The following SVIL variants were observed in gnomAD, a reference collection of about 807,000 sequenced individuals.
SVIL encodes the protein archvillin.
Under a neutral mutation model 240.4 loss-of-function variants are expected in SVIL, and 101 were observed. That is an observed-to-expected ratio of 0.42 (90% CI 0.36 to 0.50). The LOEUF (loss-of-function observed/expected upper bound fraction) is 0.50. Ranked by LOEUF, SVIL falls within the 20% of genes least tolerant of loss-of-function variation. The pLI is 0.01. For missense variants in SVIL, 2,512 were observed against 2,818.7 expected, an observed-to-expected ratio of 0.89 and a Z score of 2.46; for synonymous variants, 999 against 1,100.0, an observed-to-expected ratio of 0.91 and a Z score of 1.82.
rs1947196853 is a variant in SVIL, at chr10:29,484,434, A to T, written c.4955+222T>A. Among the ~76,000 whole-genome samples, 1 of 152,234 alleles carries T rather than the reference A, an allele frequency of 6.6e-6. No individual in the cohort carries two copies. Among genetic ancestry groups the T allele is most frequent in the Non-Finnish European group, 1.5e-5 (1 of 68,030 alleles). On this transcript the variant is annotated intron_variant, in intron 27 of 37. Coordinates refer to ENST00000355867, the MANE Select transcript of SVIL (RefSeq NM_021738.3). The surrounding 1 kb of genome is among the most constrained non-coding windows in gnomAD (Gnocchi z 4.7). ...TCTTGCTCACTTCAAGAAATCAACT[A>T]TAACAAACCTCTTCCAGAAGACTAC...
At chr10:29,638,270 T>TA, upstream of SVIL, among the ~76,000 whole-genome samples, 1 of 152,298 alleles carries the variant, frequency 6.6e-6, no homozygotes, top group East Asian at 1.9e-4. Flanking sequence ...GAGAACATCC[T>TA]AGCCAACGTG....
At chr10:29,700,514 A>G (rs1675310328) in intron 1 of SVIL, among the ~76,000 whole-genome samples, 1 of 126,294 alleles carries the variant, frequency 7.9e-6, no homozygotes, top group African/African-American at 3.1e-5. Context: ...TCTGTCGCCC[A>G]GCCTGGAGTG....
chr10:29,680,784 T>G (rs765674474), intron 2 of SVIL, among the ~76,000 whole-genome samples: 9 of 152,074 alleles, frequency 5.9e-5, no homozygotes, highest in Non-Finnish European at 1.0e-4. Context: ...CTGGGCGTAG[T>G]GGTGTGTGCC....
chr10:29,529,950 T>A (rs1951238816), intron 11 of SVIL, 106 bp from the exon 12 acceptor site: 2 of 1,216,986 alleles, frequency 1.6e-6, no homozygotes, highest in East Asian at 2.8e-5. Flanking sequence ...GAGGGAAGAT[T>A]GCTGGAGGCC....
At chr10:29,492,516 T>C (rs1948064905) in intron 21 of SVIL, among the ~76,000 whole-genome samples, 1 of 151,944 alleles carries the variant, frequency 6.6e-6, no homozygotes, top group African/African-American at 2.4e-5. Context: ...CACTGTTCAG[T>C]GGCTGAGCCG....
At chr10:29,576,083 CA>C in intron 1 of SVIL, 4 of 985,030 alleles carry the variant, frequency 4.1e-6, no homozygotes, top group Non-Finnish European at 4.8e-6. Flanking sequence ...AATTGATGAG[CA>C]ATCTGGTACC....
At chr10:29,479,246 G>A (rs1380767694) in intron 29 of SVIL, among the ~76,000 whole-genome samples, 1 of 152,214 alleles carries the variant, frequency 6.6e-6, no homozygotes, top group Non-Finnish European at 1.5e-5. Flanking sequence ...TGCCCGCAGA[G>A]CGGTTTAATA....
At chr10:29,615,195 T>TA in intron 1 of SVIL, among the ~76,000 whole-genome samples, 1 of 152,196 alleles carries the variant, frequency 6.6e-6, no homozygotes, top group African/African-American at 2.4e-5. Flanking sequence ...TGCTATTTTT[T>TA]AAAAAACTAT....
intron 1 of SVIL, chr10:29,576,017 G>T (rs1955680353): frequency 5.6e-6 from 4 of 712,536 alleles, no homozygotes; most frequent in Non-Finnish European, 5.2e-6. Flanking sequence ...TTGCAATTGG[G>T]GTATAAATGT....
intron 2 of SVIL, among the ~76,000 whole-genome samples, chr10:29,568,779 G>A (rs1370913606): frequency 1.5e-5 from 2 of 137,866 alleles, no homozygotes; most frequent in Non-Finnish European, 1.5e-5. Context: ...ACATGGATGG[G>A]TGGATGGGTG....
chr10:29,526,062 C>T (rs1219946611), intron 13 of SVIL, among the ~76,000 whole-genome samples: 1 of 152,154 alleles, frequency 6.6e-6, no homozygotes, highest in African/African-American at 2.4e-5. Flanking sequence ...GATGTGAGGA[C>T]ATAATTTTAA....
At chr10:29,467,682 G>A (rs1423034761) in intron 33 of SVIL, 60 bp downstream of exon 33, 1 of 1,604,132 alleles carries the variant, frequency 6.2e-7, no homozygotes, top group Non-Finnish European at 8.5e-7. Context: ...AACAGAGCAA[G>A]ACTCTTGTTT....
At chr10:29,717,025 C>A (rs1963653947) in intron 1 of SVIL, among the ~76,000 whole-genome samples, 1 of 151,958 alleles carries the variant, frequency 6.6e-6, no homozygotes, top group Non-Finnish European at 1.5e-5. Flanking sequence ...GGTCAGAGAT[C>A]GAGACCATCC....
At position 29,530,581 on chromosome 10, in the gene SVIL, T is replaced by C. The variant is rs777040835; in HGVS notation, c.2106+26A>G. On this transcript the variant is annotated intron_variant, in intron 11 of 37. Coordinates refer to ENST00000355867, the MANE Select transcript of SVIL (RefSeq NM_021738.3). ...GATTACTGCACCCAGTAGGGATCTC[T>C]ATTCAAGCACGTCAGCACAGCTTAC... 4.3e-6 allele frequency: 7 copies of C among 1,613,772 alleles called. No individual in the cohort carries two copies. In the East Asian group the frequency reaches 1.6e-4, roughly 36 times the overall value.
intron 3 of SVIL, among the ~76,000 whole-genome samples, chr10:29,647,944 T>G (rs2133000530): frequency 6.9e-6 from 1 of 144,086 alleles, no homozygotes; most frequent in African/African-American, 2.6e-5. Context: ...GCATTTTTAA[T>G]TGAAATGATT....
intron 1 of SVIL, among the ~76,000 whole-genome samples, chr10:29,597,954 G>A (rs1256404923): frequency 1.3e-5 from 2 of 152,038 alleles, no homozygotes; most frequent in African/African-American, 2.4e-5. Context: ...GTGCCCTTAT[G>A]TTTCTAGTAG....
In SVIL at chr10:29,465,643, T is replaced by A. The variant is rs912997814; in HGVS notation, c.6085A>T (p.Ser2029Cys). The A allele has an allele frequency of 1.9e-6, 3 of 1,613,950 alleles. No individual in the cohort carries two copies. The highest frequency in any genetic ancestry group is 2.5e-6 in the Non-Finnish European group (3 of 1,180,002). ...TCTTCCTGCAGGAAGGGCATGGAAC[T>A]GACCACAGAGGGGGCTCGGGCAGGG... ...VYPARAPSVVSSMPFLQEDLY... is the reference protein window; with the variant it reads ...VYPARAPSVVCSMPFLQEDLY... The change falls in exon 34 of 38, where the codon AGT becomes TGT. Residue 2029 changes from serine (S) to cysteine (C), a missense_variant. Physicochemically the swap from Ser to Cys is moderately radical, Grantham distance 112. This residue lies in a region of SVIL where 797 missense variants were observed against 925.3 expected (regional missense o/e 0.86). Coordinates refer to ENST00000355867, the MANE Select transcript of SVIL (RefSeq NM_021738.3).
At chr10:29,506,035 G>A (rs1949248704) in intron 17 of SVIL, among the ~76,000 whole-genome samples, 1 of 152,126 alleles carries the variant, frequency 6.6e-6, no homozygotes, top group Non-Finnish European at 1.5e-5. Context: ...ACAAGGTAAT[G>A]TTATGTAAAT....
At chr10:29,725,118 T>C (rs367632902) in intron 1 of SVIL, among the ~76,000 whole-genome samples, 3 of 150,994 alleles carry the variant, frequency 2.0e-5, no homozygotes, top group East Asian at 3.9e-4. Context: ...TGGCACACAG[T>C]TCAGGGTCAG....
Sources: allele counts gnomAD v4.1 joint callset (sites outside exome capture counted in the v4.1 genomes callset), GRCh38; gene constraint gnomAD v4.1.1; regional missense constraint gnomAD v4.1.1; non-coding constraint Gnocchi (gnomAD v3.1); transcripts MANE v1.5; gene names NCBI Gene and HGNC (gene_info 2026-07-23, HGNC 2026-07-21).